ANKRD6: variants seen among roughly 807,000 people sequenced by gnomAD.
The protein encoded by ANKRD6 is ankyrin repeat domain-containing protein 6.
Under a neutral mutation model 82.3 loss-of-function variants are expected in ANKRD6, and 56 were observed. That is an observed-to-expected ratio of 0.68 (90% confidence interval 0.55 to 0.85). The LOEUF is 0.85. Among genes scored for constraint, ANKRD6 ranks in the 40% least tolerant of loss-of-function variants. ANKRD6 has a pLI of 0.00. For missense variants in ANKRD6, 852 were observed against 907.6 expected, an observed-to-expected ratio of 0.94 and a Z score of 0.79; for synonymous variants, 347 against 352.1, an observed-to-expected ratio of 0.99 and a Z score of 0.16.
chr6:89,521,519 G>A (rs1386184423), intron 1 of ANKRD6, among the ~76,000 whole-genome samples: 1 of 152,192 alleles, frequency 6.6e-6, no homozygotes, highest in East Asian at 1.9e-4. Flanking sequence ...ATGCTGGAAA[G>A]TTTTTAAGAA....
At chr6:89,462,895 G>T (rs1309252603) in intron 1 of ANKRD6, among the ~76,000 whole-genome samples, 8 of 145,932 alleles carry the variant, frequency 5.5e-5, no homozygotes, top group African/African-American at 2.0e-4. Flanking sequence ...TAAGAGACAA[G>T]GTATTAGTCT....
intron 1 of ANKRD6, among the ~76,000 whole-genome samples, chr6:89,522,067 C>T (rs1039625221): frequency 4.6e-5 from 7 of 152,176 alleles, no homozygotes; most frequent in African/African-American, 1.7e-4. Flanking sequence ...CAAGGAAGAA[C>T]TCCTTGCCAG....
At chr6:89,458,321 A>C (rs867874700) in intron 1 of ANKRD6, among the ~76,000 whole-genome samples, 2 of 152,242 alleles carry the variant, frequency 1.3e-5, no homozygotes, top group South Asian at 2.1e-4. Context: ...GGACAGAACT[A>C]ACAGGATATA....
chr6:89,530,153 G>A (rs1337132912), intron 1 of ANKRD6, among the ~76,000 whole-genome samples: 5 of 152,066 alleles, frequency 3.3e-5, no homozygotes, highest in African/African-American at 1.2e-4. Context: ...AACTTGAGAG[G>A]CTTACTTGGG....
chr6:89,632,274 C>CA lies in ANKRD6; in HGVS notation c.*1273dup, dbSNP rs1326759365. On this transcript the variant is annotated 3_prime_UTR_variant, in exon 16 of 16. Transcript: ENST00000339746. ...ATTAACATGGGGACACCAAGAAAAA[C>CA]AAAGTATGCTTTTATTCCCTTTGTC... The CA allele has an allele frequency of 1.3e-5, 2 of 152,110 alleles. No homozygotes were observed. Among genetic ancestry groups the CA allele is most frequent in the Admixed American group, 6.5e-5 (1 of 15,286 alleles). The allele number at this position is 152,110 out of a possible 1,614,324, so 9.4% of individuals were successfully genotyped here. A position where few individuals can be genotyped will look rare whatever the true frequency, so the allele number is the denominator to read the frequency against.
intron 4 of ANKRD6, among the ~76,000 whole-genome samples, chr6:89,604,649 G>A (rs898636155): frequency 6.6e-6 from 1 of 152,144 alleles, no homozygotes; most frequent in African/African-American, 2.4e-5. Context: ...CTCATTGCCA[G>A]CACCCAGAAG....
At chr6:89,609,387 C>T (rs1456669643) in intron 5 of ANKRD6, among the ~76,000 whole-genome samples, 3 of 151,966 alleles carry the variant, frequency 2.0e-5, no homozygotes, top group African/African-American at 4.8e-5. Context: ...CTGCAACCTC[C>T]GCCTCCCGGG....
chr6:89,527,824 TTTTTTGACAGAGTCTTGCTCTGTCAC>T (rs1376221713), intron 1 of ANKRD6, among the ~76,000 whole-genome samples: 1 of 152,006 alleles, frequency 6.6e-6, no homozygotes, highest in Non-Finnish European at 1.5e-5. Flanking sequence ...TTTTGTTTTG[TTTTTTGACAGAGTCTTGCTCTGTCAC>T]TCAGGCGGGA....
chr6:89,535,153 A>T (rs1472343737), intron 1 of ANKRD6, among the ~76,000 whole-genome samples: 1 of 152,208 alleles, frequency 6.6e-6, no homozygotes, highest in African/African-American at 2.4e-5. Flanking sequence ...TAAAAATGGA[A>T]TGTATATTTA....
chr6:89,474,859 A>G (rs899840619), intron 1 of ANKRD6, among the ~76,000 whole-genome samples: 3 of 152,162 alleles, frequency 2.0e-5, no homozygotes, highest in African/African-American at 7.2e-5. Context: ...AAGCCTGACA[A>G]ACCTAAAGTT....
intron 1 of ANKRD6, among the ~76,000 whole-genome samples, chr6:89,462,113 T>C (rs958601245): frequency 2.6e-5 from 4 of 151,676 alleles, no homozygotes; most frequent in Non-Finnish European, 5.9e-5. Context: ...ATGCCTGTAA[T>C]TCCAGCTACT....
At chr6:89,582,584 T>C (rs889057368) in intron 2 of ANKRD6, among the ~76,000 whole-genome samples, 3 of 152,162 alleles carry the variant, frequency 2.0e-5, no homozygotes, top group Non-Finnish European at 2.9e-5. Flanking sequence ...CCAGATCTTT[T>C]TTCATCTTCC....
At chr6:89,624,788 A>G in intron 13 of ANKRD6, 97 bp downstream of exon 13, 8 of 1,384,876 alleles carry the variant, frequency 5.8e-6, no homozygotes, top group Non-Finnish European at 6.8e-6. Context: ...CCACCCTGGG[A>G]GTGTCCAGTG....
Position 89,631,915 on chromosome 6 carries a change from A to G in ANKRD6, c.*911A>G, listed in dbSNP as rs943105840. 1 of 152,236 alleles carries G rather than the reference A, an allele frequency of 6.6e-6. No individual in the cohort carries two copies. Among genetic ancestry groups the G allele is most frequent in the African/African-American group, 2.4e-5 (1 of 41,462 alleles). 9.4% of individuals were successfully genotyped at this position (152,236 alleles called of 1,614,324 possible). On this transcript the variant is annotated 3_prime_UTR_variant, in exon 16 of 16. Transcript: ENST00000339746. ...TATTTCATTTTGAATTCTGTCATTA[A>G]CCTCAAAAGCTTTCTACTGCTTTGC... is the stretch of plus-strand genomic sequence containing the variant.
chr6:89,480,409 T>G (rs966213420), intron 1 of ANKRD6, among the ~76,000 whole-genome samples: 3 of 152,120 alleles, frequency 2.0e-5, no homozygotes, highest in Non-Finnish European at 4.4e-5. Context: ...TCTGTCCCAG[T>G]GAGGGGAGGG....
intron 2 of ANKRD6, among the ~76,000 whole-genome samples, chr6:89,581,275 T>C (rs1792456474): frequency 6.6e-6 from 1 of 152,144 alleles, no homozygotes. Flanking sequence ...TGTTTGGAGG[T>C]CTTATTGCAC....
At chr6:89,465,675 A>G (rs1053207255) in intron 1 of ANKRD6, among the ~76,000 whole-genome samples, 2 of 152,012 alleles carry the variant, frequency 1.3e-5, no homozygotes, top group Admixed American at 6.6e-5. Context: ...AGCCTGGGCA[A>G]CATGGTGAGA....
At chr6:89,547,778 GC>G (rs1472982619) in intron 1 of ANKRD6, among the ~76,000 whole-genome samples, 1 of 152,116 alleles carries the variant, frequency 6.6e-6, no homozygotes, top group Non-Finnish European at 1.5e-5. Flanking sequence ...AGGTAAGTTG[GC>G]TGAGAGCCAG....
chr6:89,517,724 A>G (rs1220700723), intron 1 of ANKRD6, among the ~76,000 whole-genome samples: 1 of 152,224 alleles, frequency 6.6e-6, no homozygotes, highest in East Asian at 1.9e-4. Flanking sequence ...GATACTTTTT[A>G]AAAGAGAAAA....
Sources: allele counts gnomAD v4.1 joint callset (sites outside exome capture counted in the v4.1 genomes callset), GRCh38; gene constraint gnomAD v4.1.1; transcripts MANE v1.5; gene names NCBI Gene and HGNC (gene_info 2026-07-23, HGNC 2026-07-21).